The following AIM2 variants were observed in gnomAD, a reference collection of about 807,000 sequenced individuals.
The protein encoded by AIM2 is absent in melanoma 2, also known as interferon-inducible protein AIM2.
A neutral mutation model predicts 27.7 loss-of-function variants in AIM2; 30 were observed. The ratio of observed to expected loss-of-function variants is 1.08; its 90% CI spans 0.81 to 1.47. AIM2 has a LOEUF of 1.47. Among genes scored for constraint, AIM2 ranks in the 40% most tolerant of loss-of-function variants. AIM2 has a pLI of 0.00. For synonymous variants in AIM2, 141 were observed against 145.3 expected, an observed-to-expected ratio of 0.97 and a Z score of 0.21; for missense variants, 358 against 411.3, an observed-to-expected ratio of 0.87 and a Z score of 1.12.
the AIM2 span, among the ~76,000 whole-genome samples, chr1:159,057,012 T>C: frequency 6.6e-6 from 1 of 152,146 alleles, no homozygotes; most frequent in South Asian, 2.1e-4. Context: ...TGGTTACTCA[T>C]CTAAAAAGAG....
intron 1 of AIM2, among the ~76,000 whole-genome samples, chr1:159,107,511 G>C (rs763287029): frequency 6.6e-5 from 10 of 152,036 alleles, no homozygotes; most frequent in Non-Finnish European, 1.0e-4. Flanking sequence ...ACCTTGGGAA[G>C]AATGTTACAG....
intron 1 of AIM2, among the ~76,000 whole-genome samples, chr1:159,124,368 C>T (rs1194110291): frequency 2.6e-5 from 4 of 152,150 alleles, no homozygotes; most frequent in Non-Finnish European, 4.4e-5. Flanking sequence ...TAGTAATATT[C>T]GACAGAGACA....
chr1:159,143,877 C>T (rs1167191370), upstream of AIM2, among the ~76,000 whole-genome samples: 1 of 152,098 alleles, frequency 6.6e-6, no homozygotes, highest in Non-Finnish European at 1.5e-5. Flanking sequence ...AGGCAAATTC[C>T]AACGTAGGAA....
At chr1:159,069,865 C>T (rs1321906034) in intron 2 of AIM2, among the ~76,000 whole-genome samples, 2 of 152,144 alleles carry the variant, frequency 1.3e-5, no homozygotes, top group Admixed American at 1.3e-4. Flanking sequence ...TTATGTTCTA[C>T]AAGGCCTTGC....
upstream of AIM2, among the ~76,000 whole-genome samples, chr1:159,144,028 T>G (rs1202167533): frequency 6.6e-6 from 1 of 152,206 alleles, no homozygotes; most frequent in Non-Finnish European, 1.5e-5. Flanking sequence ...ATAACTTACT[T>G]GGTTTGAGAC....
chr1:159,091,953 G>C (rs1657053783), intron 1 of AIM2, among the ~76,000 whole-genome samples: 1 of 152,236 alleles, frequency 6.6e-6, no homozygotes, highest in Non-Finnish European at 1.5e-5. Flanking sequence ...ACAGGAAACA[G>C]AGGGTGATTG....
chr1:159,077,813 A>G (rs1656667500), upstream of AIM2, among the ~76,000 whole-genome samples: 2 of 152,144 alleles, frequency 1.3e-5, no homozygotes, highest in South Asian at 4.1e-4. Context: ...TTTCTTATTC[A>G]TTGAATTAAC....
intron 1 of AIM2, among the ~76,000 whole-genome samples, chr1:159,105,271 CA>C (rs1168171333): frequency 6.6e-6 from 1 of 152,222 alleles, no homozygotes; most frequent in African/African-American, 2.4e-5. Flanking sequence ...GGCGTCTGGA[CA>C]GGGGGAATGC....
rs549500452 is a variant in AIM2, at chr1:159,086,169, A to T, written c.-15-19840T>A. Among the ~76,000 whole-genome samples, 3 of 152,330 alleles carry T rather than the reference A, an allele frequency of 2.0e-5. No homozygotes were observed. In the East Asian group the frequency reaches 5.8e-4, roughly 29 times the overall value. On this transcript the variant is annotated intron_variant, in intron 1 of 2. Coordinates refer to the AIM2 transcript ENST00000368129. The stretch of plus-strand genomic sequence containing the variant: ...ACCAGATTTTACCCATCATTCTATG[A>T]TGTTTAATTTGGTTTGCTCTACTTA...
chr1:159,060,719 AG>A (rs1339891312), downstream of AIM2, among the ~76,000 whole-genome samples: 8 of 151,256 alleles, frequency 5.3e-5, no homozygotes, highest in African/African-American at 1.7e-4. Context: ...TGTGGGTGTC[AG>A]TAGTTATTCT....
the AIM2 span, among the ~76,000 whole-genome samples, chr1:159,056,870 G>A: frequency 1.1e-4 from 16 of 151,908 alleles, no homozygotes; most frequent in African/African-American, 3.1e-4. Flanking sequence ...GGAGTGTCCC[G>A]TAGTACGGAG....
chr1:159,090,893 T>C (rs1449505471), intron 1 of AIM2, among the ~76,000 whole-genome samples: 1 of 151,860 alleles, frequency 6.6e-6, no homozygotes, highest in African/African-American at 2.4e-5. Flanking sequence ...CACATTAGCA[T>C]AAAGTGTCTG....
chr1:159,111,794 CAAAAAAAAA>C (rs1296847078), intron 1 of AIM2, among the ~76,000 whole-genome samples: 2 of 114,918 alleles, frequency 1.7e-5, no homozygotes, highest in African/African-American at 8.1e-5. Flanking sequence ...CCCGTCTCTA[CAAAAAAAAA>C]AAAAAAAAAA....
chr1:159,134,787 G>C (rs755834551), intron 1 of AIM2, among the ~76,000 whole-genome samples: 1 of 152,056 alleles, frequency 6.6e-6, no homozygotes, highest in Non-Finnish European at 1.5e-5. Context: ...AGCTGAGATC[G>C]CGACATTGCA....
At chr1:159,120,932 T>C (rs1256038638) in intron 1 of AIM2, among the ~76,000 whole-genome samples, 1 of 152,244 alleles carries the variant, frequency 6.6e-6, no homozygotes, top group Non-Finnish European at 1.5e-5. Context: ...TCCAATAATT[T>C]GCTTCTATTA....
chr1:159,129,668 C>T (rs1398611196), intron 1 of AIM2, among the ~76,000 whole-genome samples: 1 of 152,182 alleles, frequency 6.6e-6, no homozygotes, highest in Non-Finnish European at 1.5e-5. Context: ...GAATCATGCC[C>T]TCAGAACAGT....
chr1:159,137,428 G>A (rs560236529), intron 1 of AIM2, among the ~76,000 whole-genome samples: 297 of 152,188 alleles, frequency 2.0e-3, no homozygotes, highest in African/African-American at 6.9e-3. Context: ...AGGCTGAGGC[G>A]GGTGGATCAC....
At chr1:159,084,595 G>A (rs924410298) in intron 1 of AIM2, among the ~76,000 whole-genome samples, 4 of 152,106 alleles carry the variant, frequency 2.6e-5, no homozygotes, top group South Asian at 2.1e-4. Flanking sequence ...AAAAAACGGC[G>A]ACCTTATCTC....
upstream of AIM2, chr1:159,081,625 A>G: frequency 2.8e-6 from 1 of 350,968 alleles, no homozygotes; most frequent in Admixed American, 3.4e-5. Context: ...TCCAAGGGTC[A>G]CCATAACCTT....
Sources: allele counts gnomAD v4.1 joint callset (sites outside exome capture counted in the v4.1 genomes callset), GRCh38; gene constraint gnomAD v4.1.1; transcripts MANE v1.5; gene names NCBI Gene and HGNC (gene_info 2026-07-23, HGNC 2026-07-21).